The following FRK variants were observed in gnomAD, a reference collection of about 807,000 sequenced individuals.
The protein encoded by FRK is fyn related Src family tyrosine kinase.
A neutral mutation model predicts 56.4 loss-of-function variants in FRK; 51 were observed. That is an observed-to-expected ratio of 0.90 (90% CI 0.72 to 1.14). The LOEUF (loss-of-function observed/expected upper bound fraction) is 1.14, where lower values mean the gene tolerates loss of function less well. FRK is among the 50% of genes most tolerant of loss of function. The pLI, the probability that FRK is intolerant of heterozygous loss-of-function variation, is 0.00. For missense variants in FRK, 570 were observed against 601.4 expected (o/e 0.95, Z 0.55); for synonymous variants, 245 against 217.9 (o/e 1.12, Z -1.10).
At chr6:115,986,256 A>G (rs1277101275) in intron 2 of FRK, among the ~76,000 whole-genome samples, 1 of 152,080 alleles carries the variant, frequency 6.6e-6, no homozygotes, top group East Asian at 1.9e-4. Flanking sequence ...GCTTCTTCTT[A>G]GTCTTCTGCT....
intron 1 of FRK, chr6:116,038,926 A>G: frequency 1.6e-6 from 1 of 638,060 alleles, no homozygotes; most frequent in Admixed American, 1.9e-5. Flanking sequence ...CTAGAGCCCA[A>G]GATTGCTGTG....
the FRK span, among the ~76,000 whole-genome samples, chr6:116,081,660 A>T: frequency 1.7e-3 from 250 of 148,850 alleles, no homozygotes; most frequent in Admixed American, 2.8e-3. Flanking sequence ...TCCATATAAA[A>T]ATATATATAT....
intron 1 of FRK, among the ~76,000 whole-genome samples, chr6:116,055,544 G>A (rs1777359759): frequency 6.6e-6 from 1 of 152,200 alleles, no homozygotes; most frequent in African/African-American, 2.4e-5. Context: ...AGTATGGGTG[G>A]CTCCTCTAGC....
chr6:116,073,703 A>G, the FRK span, among the ~76,000 whole-genome samples: 131 of 152,242 alleles, frequency 8.6e-4, no homozygotes, highest in African/African-American at 2.9e-3. Context: ...GTAGGAAACT[A>G]TTTTTCAGTT....
At chr6:116,066,515 C>A in the FRK span, among the ~76,000 whole-genome samples, 1 of 152,114 alleles carries the variant, frequency 6.6e-6, no homozygotes, top group Non-Finnish European at 1.5e-5. Flanking sequence ...GCAACTTATT[C>A]TCCAAATGGC....
At chr6:116,025,385 A>G (rs1482892665) in intron 1 of FRK, among the ~76,000 whole-genome samples, 2 of 152,148 alleles carry the variant, frequency 1.3e-5, no homozygotes, top group Non-Finnish European at 2.9e-5. Context: ...ACAAAAATGT[A>G]TTGTTTGCTT....
At chr6:116,018,373 G>C (rs1399431144) in intron 1 of FRK, among the ~76,000 whole-genome samples, 1 of 152,170 alleles carries the variant, frequency 6.6e-6, no homozygotes, top group African/African-American at 2.4e-5. Context: ...CAAATCCTTA[G>C]GCAAAGCTCT....
In FRK at chr6:115,940,713, A is replaced by G. The variant is rs1000723133; in HGVS notation, c.*1701T>C. ...TCAAAAGAAGATATTTATGCAGCCAACAGACATATGAAAAAAAGCTCATCA... is the reference window on the plus strand; with the variant it reads ...TCAAAAGAAGATATTTATGCAGCCAGCAGACATATGAAAAAAAGCTCATCA... On this transcript the variant is annotated 3_prime_UTR_variant, in exon 8 of 8. Coordinates refer to ENST00000606080, the MANE Select transcript of FRK (RefSeq NM_002031.3). 6.6e-6 allele frequency: 1 copy of G among 152,268 alleles called. No individual in the cohort carries two copies. Among genetic ancestry groups the G allele is most frequent in the Non-Finnish European group, 1.5e-5 (1 of 68,046 alleles). 9.4% of individuals were successfully genotyped at this position (152,268 alleles called of 1,614,324 possible).
intron 1 of FRK, among the ~76,000 whole-genome samples, chr6:116,033,068 A>T (rs1344959808): frequency 6.6e-6 from 1 of 152,064 alleles, no homozygotes; most frequent in Non-Finnish European, 1.5e-5. Context: ...CACCTCTCAG[A>T]TTGTCCCTTC....
At chr6:115,978,839 TGA>T (rs1468070629) in intron 2 of FRK, among the ~76,000 whole-genome samples, 4 of 152,150 alleles carry the variant, frequency 2.6e-5, no homozygotes, top group Non-Finnish European at 5.9e-5. Flanking sequence ...TGTTATTATT[TGA>T]GAGTGTACCC....
intron 2 of FRK, among the ~76,000 whole-genome samples, chr6:115,972,279 A>G (rs1773831437): frequency 6.6e-6 from 1 of 152,250 alleles, no homozygotes; most frequent in East Asian, 1.9e-4. Context: ...TAATATTTAC[A>G]CATCCCTTGC....
chr6:115,984,657 T>C (rs889136983), intron 2 of FRK, among the ~76,000 whole-genome samples: 3 of 151,898 alleles, frequency 2.0e-5, no homozygotes, highest in Non-Finnish European at 4.4e-5. Flanking sequence ...TGTTTATTCC[T>C]CTTGTTTTTT....
chr6:116,081,624 C>G, the FRK span, among the ~76,000 whole-genome samples: 1 of 152,012 alleles, frequency 6.6e-6, no homozygotes, highest in East Asian at 1.9e-4. Context: ...TGCCACTGCA[C>G]TCCAACCTAG....
chr6:116,069,947 C>A, the FRK span, among the ~76,000 whole-genome samples: 1 of 152,048 alleles, frequency 6.6e-6, no homozygotes, highest in African/African-American at 2.4e-5. Flanking sequence ...ACAGTTTGTG[C>A]GGCAGGAATT....
intron 2 of FRK, among the ~76,000 whole-genome samples, chr6:115,978,151 A>C (rs892819105): frequency 1.3e-5 from 2 of 152,154 alleles, no homozygotes; most frequent in Non-Finnish European, 2.9e-5. Context: ...ACATACTTGG[A>C]TTATATTATC....
chr6:116,026,748 C>A (rs1023746884), intron 1 of FRK, among the ~76,000 whole-genome samples: 2 of 151,672 alleles, frequency 1.3e-5, no homozygotes, highest in South Asian at 2.1e-4. Flanking sequence ...CTTTGAGAAG[C>A]CAAAAGGTGA....
At chr6:116,078,154 C>T in the FRK span, among the ~76,000 whole-genome samples, 1 of 152,048 alleles carries the variant, frequency 6.6e-6, no homozygotes. Context: ...GAGCAAAACT[C>T]CATTTCATAA....
At chr6:116,062,405 C>T (rs1777656699), upstream of FRK, among the ~76,000 whole-genome samples, 2 of 150,536 alleles carry the variant, frequency 1.3e-5, no homozygotes, top group African/African-American at 4.9e-5. Context: ...CTATTAATGC[C>T]CCAACAGAGG....
intron 4 of FRK, among the ~76,000 whole-genome samples, chr6:115,957,561 C>T (rs1484449251): frequency 6.6e-6 from 1 of 152,200 alleles, no homozygotes; most frequent in East Asian, 1.9e-4. Context: ...ATCATCCTCT[C>T]GATGTTGAAG....
Sources: gnomAD v4.1 joint callset for allele counts (sites outside exome capture counted in the v4.1 genomes callset) on GRCh38, gnomAD v4.1.1 for gene constraint, MANE v1.5 for transcripts, NCBI Gene and HGNC (gene_info 2026-07-23, HGNC 2026-07-21) for gene names.